CDH12: variants seen among roughly 807,000 people sequenced by gnomAD.
The protein encoded by CDH12 is cadherin-12.
In CDH12, 41 loss-of-function variants were observed where a neutral mutation model predicts 74.1. The ratio of observed to expected loss-of-function variants is 0.55; its 90% CI spans 0.43 to 0.72. CDH12 has a LOEUF of 0.72. CDH12 is among the 30% of genes least tolerant of loss of function. The pLI is 0.00. For missense variants in CDH12, 945 were observed against 977.2 expected (o/e 0.97, Z 0.44); for synonymous variants, 399 against 355.0 (o/e 1.12, Z -1.39).
intron 1 of CDH12, among the ~76,000 whole-genome samples, chr5:22,671,792 C>G (rs1436542515): frequency 6.6e-6 from 1 of 151,610 alleles, no homozygotes; most frequent in Admixed American, 6.6e-5. Flanking sequence ...GGAAAAGTGG[C>G]CAATAACAAA....
intron 5 of CDH12, among the ~76,000 whole-genome samples, chr5:22,054,805 A>T (rs889549556): frequency 2.0e-5 from 3 of 152,108 alleles, no homozygotes; most frequent in African/African-American, 7.2e-5. Context: ...TGATTGGGAA[A>T]ATCGTATGTT....
intron 3 of CDH12, among the ~76,000 whole-genome samples, chr5:22,311,085 A>T (rs1221743913): frequency 6.6e-6 from 1 of 152,152 alleles, no homozygotes; most frequent in Non-Finnish European, 1.5e-5. Context: ...TTAAGAACTT[A>T]CTCAATTCAT....
intron 3 of CDH12, among the ~76,000 whole-genome samples, chr5:22,379,802 C>T (rs934729492): frequency 6.6e-6 from 1 of 152,102 alleles, no homozygotes; most frequent in Non-Finnish European, 1.5e-5. Context: ...GTTGCTTTGG[C>T]CAGAGTGCAA....
At chr5:22,604,747 T>C (rs1367159070) in intron 1 of CDH12, among the ~76,000 whole-genome samples, 2 of 152,224 alleles carry the variant, frequency 1.3e-5, no homozygotes, top group Non-Finnish European at 1.5e-5. Context: ...GTCTGGGCAC[T>C]GTTGTGCTCA....
intron 1 of CDH12, among the ~76,000 whole-genome samples, chr5:22,839,500 C>A (rs1736989637): frequency 6.6e-6 from 1 of 151,836 alleles, no homozygotes. Flanking sequence ...GGAATACAGG[C>A]ACCCACCATC....
rs561312239 is a variant in CDH12 at position 22,402,768 on chromosome 5, G to A, written c.-333+2489C>T. Among the ~76,000 whole-genome samples, 22 of 152,240 alleles carry A rather than the reference G, an allele frequency of 1.4e-4. No individual in the cohort carries two copies. The East Asian group carries it at 3.7e-3, about 25-fold the overall frequency. On this transcript the variant is annotated intron_variant, in intron 3 of 14. Transcript: ENST00000382254. ...AACAAACTTTTGTTGAAAAAATTAG[G>A]TGTGTGATTCATGGATCCAGTCAAC... is the stretch of plus-strand genomic sequence containing the variant.
intron 1 of CDH12, among the ~76,000 whole-genome samples, chr5:22,826,014 A>G (rs911934911): frequency 1.3e-5 from 2 of 152,120 alleles, no homozygotes; most frequent in Non-Finnish European, 2.9e-5. Context: ...AAGTAATCTC[A>G]TTTCCATTGG....
intron 1 of CDH12, among the ~76,000 whole-genome samples, chr5:22,624,826 T>A (rs192649928): frequency 1.3e-5 from 2 of 152,132 alleles, no homozygotes; most frequent in Admixed American, 1.3e-4. Flanking sequence ...ACCCAAAGGA[T>A]TATAAATCAT....
intron 3 of CDH12, among the ~76,000 whole-genome samples, chr5:22,322,540 T>A (rs1319070207): frequency 6.6e-6 from 1 of 152,190 alleles, no homozygotes; most frequent in Non-Finnish European, 1.5e-5. Context: ...TTGATGATGA[T>A]GATGACGATG....
At chr5:22,626,283 G>A (rs73062251) in intron 1 of CDH12, among the ~76,000 whole-genome samples, 5,626 of 152,200 alleles carry the variant, frequency 0.037, 326 homozygotes, top group African/African-American at 0.12. Context: ...TGACACATGC[G>A]GGCAAACACA....
At chr5:21,867,874 C>T (rs1751413494) in intron 6 of CDH12, among the ~76,000 whole-genome samples, 3 of 152,114 alleles carry the variant, frequency 2.0e-5, no homozygotes, top group African/African-American at 7.2e-5. Context: ...TATGGTTTGG[C>T]TGTGTCCCCA....
chr5:22,398,596 A>C (rs1417566515), intron 3 of CDH12, among the ~76,000 whole-genome samples: 1 of 152,130 alleles, frequency 6.6e-6, no homozygotes, highest in Admixed American at 6.6e-5. Flanking sequence ...ATGATAGAAC[A>C]CGCATCCTCT....
intron 13 of CDH12, among the ~76,000 whole-genome samples, chr5:21,759,315 A>G (rs115900087): frequency 0.014 from 2,086 of 152,056 alleles, 40 homozygotes; most frequent in African/African-American, 0.046. Context: ...AATTTTACAC[A>G]AATTTATTTT....
intron 5 of CDH12, among the ~76,000 whole-genome samples, chr5:22,039,796 C>A (rs888796483): frequency 1.3e-5 from 2 of 151,978 alleles, no homozygotes; most frequent in South Asian, 2.1e-4. Flanking sequence ...CCTTTCCAAC[C>A]AGCACACCAA....
intron 1 of CDH12, among the ~76,000 whole-genome samples, chr5:22,692,330 G>A (rs1742126928): frequency 6.6e-6 from 1 of 152,042 alleles, no homozygotes; most frequent in Non-Finnish European, 1.5e-5. Context: ...ATCCAGCCTC[G>A]GGTATTCCTT....
chr5:22,523,363 GA>G (rs1175613691), intron 1 of CDH12, among the ~76,000 whole-genome samples: 2 of 151,964 alleles, frequency 1.3e-5, no homozygotes, highest in Non-Finnish European at 2.9e-5. Context: ...CAGACTGTTT[GA>G]CATCTTTTCC....
intron 1 of CDH12, among the ~76,000 whole-genome samples, chr5:22,548,217 G>A (rs1580754194): frequency 6.6e-6 from 1 of 152,102 alleles, no homozygotes; most frequent in African/African-American, 2.4e-5. Flanking sequence ...TCATGTTGAC[G>A]TAGTTGGTCT....
intron 5 of CDH12, among the ~76,000 whole-genome samples, chr5:22,017,476 C>T (rs928319175): frequency 1.4e-4 from 22 of 152,110 alleles, no homozygotes; most frequent in Admixed American, 2.0e-4. Flanking sequence ...CAGATGCTCC[C>T]TTATGTATAT....
At chr5:21,789,668 AT>A (rs1746385606) in intron 10 of CDH12, among the ~76,000 whole-genome samples, 1 of 152,092 alleles carries the variant, frequency 6.6e-6, no homozygotes, top group Admixed American at 6.6e-5. Flanking sequence ...CTTGCATGAT[AT>A]TTTTCAAAGC....
Sources: gnomAD v4.1 joint callset for allele counts (sites outside exome capture counted in the v4.1 genomes callset) on GRCh38, gnomAD v4.1.1 for gene constraint, MANE v1.5 for transcripts, NCBI Gene and HGNC (gene_info 2026-07-23, HGNC 2026-07-21) for gene names.